Variants in CNTNAP2 observed in about 807,000 individuals in gnomAD.
CNTNAP2 encodes contactin associated protein 2.
Under a neutral mutation model 155.2 loss-of-function variants are expected in CNTNAP2, and 98 were observed. The ratio of observed to expected loss-of-function variants is 0.63; its 90% CI spans 0.54 to 0.75. The LOEUF (loss-of-function observed/expected upper bound fraction) is 0.75, where lower values mean the gene tolerates loss of function less well. Among genes scored for constraint, CNTNAP2 ranks in the 30% least tolerant of loss-of-function variants. The probability of loss-of-function intolerance (pLI) is 0.00; values close to 1 mark genes in which losing one functional copy is unlikely to be tolerated. For missense variants in CNTNAP2, 1,727 were observed against 1,688.1 expected, an observed-to-expected ratio of 1.02 and a Z score of -0.40; for synonymous variants, 651 against 631.2, an observed-to-expected ratio of 1.03 and a Z score of -0.47.
intron 1 of CNTNAP2, among the ~76,000 whole-genome samples, chr7:146,345,916 T>C (rs1794811950): frequency 6.6e-6 from 1 of 152,112 alleles, no homozygotes; most frequent in Non-Finnish European, 1.5e-5. Flanking sequence ...CTTTATCTAG[T>C]TGATGACATC....
chr7:146,410,476 G>C (rs1204729023), intron 1 of CNTNAP2, among the ~76,000 whole-genome samples: 1 of 152,062 alleles, frequency 6.6e-6, no homozygotes, highest in Admixed American at 6.6e-5. Context: ...ACTCTTAAGG[G>C]GCACTTTATC....
chr7:147,041,137 A>G (rs1948223284), intron 3 of CNTNAP2, among the ~76,000 whole-genome samples: 1 of 152,194 alleles, frequency 6.6e-6, no homozygotes, highest in Admixed American at 6.5e-5. Context: ...AACAACAACA[A>G]CAATACATGC....
intron 1 of CNTNAP2, among the ~76,000 whole-genome samples, chr7:146,450,046 C>T (rs374132477): frequency 1.4e-4 from 21 of 152,086 alleles, no homozygotes; most frequent in African/African-American, 2.9e-4. Context: ...TTATTAAATA[C>T]GGACATTATG....
rs539481836 is a variant in CNTNAP2, at chr7:148,400,853, G to T, written c.3716-8538G>T. Among the ~76,000 whole-genome samples, 99 of 152,148 alleles carry T rather than the reference G, an allele frequency of 6.5e-4. 1 individual carries two copies. The highest frequency in any genetic ancestry group is 2.3e-3 in the African/African-American group (94 of 41,514). On this transcript the variant is annotated intron_variant, in intron 22 of 23. Transcript: ENST00000361727. Reference sequence around the variant, plus strand: ...AAATTAGCCGGGCATGGTGGCGCATGCCTGTAATTTCAGCTACTCAGGAGG... The same window carrying T: ...AAATTAGCCGGGCATGGTGGCGCATTCCTGTAATTTCAGCTACTCAGGAGG...
rs142508285 is a variant in CNTNAP2, at chr7:147,329,514, T to C, written c.1498+29224T>C. On this transcript the variant is annotated intron_variant, in intron 9 of 23. Coordinates refer to ENST00000361727, the MANE Select transcript of CNTNAP2 (RefSeq NM_014141.6). The stretch of plus-strand genomic sequence containing the variant: ...CTTACTGAATGTTGTAAGCAGCTAG[T>C]TGGTGTATTTGTAACATAAGATACG... Among the ~76,000 whole-genome samples, 77 of 152,252 alleles carry C rather than the reference T, an allele frequency of 5.1e-4. No individual in the cohort carries two copies. The East Asian group carries it at 0.014, about 28-fold the overall frequency.
intron 1 of CNTNAP2, among the ~76,000 whole-genome samples, chr7:146,290,674 G>C (rs968273520): frequency 6.6e-6 from 1 of 152,142 alleles, no homozygotes; most frequent in South Asian, 2.1e-4. Context: ...TTGGGAATCA[G>C]AAAAAACTAG....
At chr7:146,388,170 T>A (rs1388995472) in intron 1 of CNTNAP2, among the ~76,000 whole-genome samples, 9 of 151,924 alleles carry the variant, frequency 5.9e-5, no homozygotes, top group African/African-American at 1.2e-4. Context: ...AGGTCTCACG[T>A]TGGTAATCCT....
chr7:146,411,886 G>T (rs1795871804), intron 1 of CNTNAP2, among the ~76,000 whole-genome samples: 1 of 151,180 alleles, frequency 6.6e-6, no homozygotes. Context: ...GCCCAGGATG[G>T]AGTGCAATGG....
chr7:146,649,891 G>T (rs147086729), intron 1 of CNTNAP2, among the ~76,000 whole-genome samples: 10 of 151,948 alleles, frequency 6.6e-5, no homozygotes, highest in African/African-American at 2.4e-4. Flanking sequence ...ACGTTTATGC[G>T]GCCAATAAAC....
At chr7:146,857,420 C>T (rs563633446) in intron 3 of CNTNAP2, among the ~76,000 whole-genome samples, 5 of 152,216 alleles carry the variant, frequency 3.3e-5, no homozygotes, top group African/African-American at 9.6e-5. Context: ...AGCTTGTATT[C>T]GTTTGTTTGT....
intron 4 of CNTNAP2, among the ~76,000 whole-genome samples, chr7:147,096,154 T>C (rs1800527444): frequency 6.6e-6 from 1 of 152,204 alleles, no homozygotes; most frequent in Non-Finnish European, 1.5e-5. Context: ...AGACTAATTG[T>C]TTCAGATTTA....
intron 1 of CNTNAP2, among the ~76,000 whole-genome samples, chr7:146,270,368 T>C (rs1437520985): frequency 1.3e-5 from 2 of 152,160 alleles, no homozygotes; most frequent in African/African-American, 2.4e-5. Context: ...TTAAGGGCAA[T>C]TGAGTGGCCC....
intron 3 of CNTNAP2, among the ~76,000 whole-genome samples, chr7:146,861,835 T>G (rs548554984): frequency 1.3e-5 from 2 of 152,266 alleles, no homozygotes; most frequent in Non-Finnish European, 2.9e-5. Flanking sequence ...CTTATAAATA[T>G]TTAAAAGATA....
intron 3 of CNTNAP2, among the ~76,000 whole-genome samples, chr7:146,841,099 C>T (rs79102940): frequency 6.6e-6 from 1 of 152,232 alleles, no homozygotes; most frequent in East Asian, 1.9e-4. Flanking sequence ...AGCTAGAGAA[C>T]TTTAAAACAT....
intron 1 of CNTNAP2, among the ~76,000 whole-genome samples, chr7:146,506,835 C>A (rs992313436): frequency 4.6e-5 from 7 of 152,168 alleles, no homozygotes; most frequent in Non-Finnish European, 1.0e-4. Context: ...TAGGCTGGAC[C>A]ATGACAGCAG....
rs547018632 is a variant in CNTNAP2, at chr7:147,356,721, C to A, written c.1499-38888C>A. 1.1e-4 allele frequency among the ~76,000 whole-genome samples: 16 copies of A among 152,170 alleles called. No homozygotes were observed. In the East Asian group the frequency reaches 3.1e-3, roughly 29 times the overall value. ...ATATTTCATGAAAAAACACTTTGTACTGTAAAATTTGTACATAAGCCATTG... is the reference window on the plus strand; with the variant it reads ...ATATTTCATGAAAAAACACTTTGTAATGTAAAATTTGTACATAAGCCATTG... On this transcript the variant is annotated intron_variant, in intron 9 of 23. Coordinates refer to ENST00000361727, the MANE Select transcript of CNTNAP2 (RefSeq NM_014141.6).
At chr7:148,287,949 G>A (rs368789143) in intron 21 of CNTNAP2, among the ~76,000 whole-genome samples, 3 of 151,236 alleles carry the variant, frequency 2.0e-5, no homozygotes, top group Non-Finnish European at 4.4e-5. Flanking sequence ...GTGCCACCAC[G>A]CCCAGCTAAT....
intron 8 of CNTNAP2, among the ~76,000 whole-genome samples, chr7:147,213,147 A>T (rs917810511): frequency 1.3e-5 from 2 of 152,114 alleles, no homozygotes; most frequent in Non-Finnish European, 2.9e-5. Flanking sequence ...GAGAAAAGCT[A>T]TTGCTGTAAT....
chr7:146,184,129 C>T (rs1291791731), intron 1 of CNTNAP2, among the ~76,000 whole-genome samples: 1 of 152,194 alleles, frequency 6.6e-6, no homozygotes, highest in African/African-American at 2.4e-5. Flanking sequence ...GAACCAACTA[C>T]TCAGTATGCT....
Sources: allele counts gnomAD v4.1 joint callset (sites outside exome capture counted in the v4.1 genomes callset), GRCh38; gene constraint gnomAD v4.1.1; transcripts MANE v1.5; gene names NCBI Gene and HGNC (gene_info 2026-07-23, HGNC 2026-07-21).